CHCHD3: variants seen among roughly 807,000 people sequenced by gnomAD.
CHCHD3 encodes coiled-coil-helix-coiled-coil-helix domain containing 3.
Under a neutral mutation model 38.2 loss-of-function variants are expected in CHCHD3, and 20 were observed. The observed-to-expected ratio is 0.52, with a 90% CI of 0.37 to 0.76. The LOEUF is 0.76. Among genes scored for constraint, CHCHD3 ranks in the 30% least tolerant of loss-of-function variants. The probability of loss-of-function intolerance (pLI) is 0.00; values close to 1 mark genes in which losing one functional copy is unlikely to be tolerated. For missense variants in CHCHD3, 245 were observed against 279.2 expected (o/e 0.88, Z 0.87); for synonymous variants, 82 against 100.0 (o/e 0.82, Z 1.07).
chr7:132,985,300 C>T (rs1309985363), intron 3 of CHCHD3, among the ~76,000 whole-genome samples: 4 of 58,856 alleles, frequency 6.8e-5, no homozygotes, highest in Admixed American at 1.7e-4. Context: ...AGGTGAGGGG[C>T]GCCTCTGCCC....
chr7:132,898,242 TGGCTGGGGCAGC>T (rs1809559247), intron 4 of CHCHD3, among the ~76,000 whole-genome samples: 5 of 152,320 alleles, frequency 3.3e-5, no homozygotes, highest in African/African-American at 9.6e-5. Context: ...TTGCCACTGC[TGGCTGGGGCAGC>T]CTGCTTTTAT....
At chr7:133,081,834 T>G in intron 1 of CHCHD3, 23 bp downstream of exon 1, 1 of 1,551,180 alleles carries the variant, frequency 6.4e-7, no homozygotes, top group Non-Finnish European at 8.7e-7. Flanking sequence ...CCACTGGCCC[T>G]CCGCCCGTCC....
At chr7:132,790,948 A>C (rs1397703231) in intron 7 of CHCHD3, among the ~76,000 whole-genome samples, 1 of 152,186 alleles carries the variant, frequency 6.6e-6, no homozygotes, top group Admixed American at 6.5e-5. Context: ...ATTTGTTCTT[A>C]AGGCTAAAGA....
At chr7:132,985,348 G>C (rs1389961335) in intron 3 of CHCHD3, among the ~76,000 whole-genome samples, 1 of 70,998 alleles carries the variant, frequency 1.4e-5, no homozygotes, top group Admixed American at 1.4e-4. Context: ...CCCTCTGCCC[G>C]GCCAGCCGCC....
At chr7:132,898,775 G>A (rs1178451523) in intron 4 of CHCHD3, among the ~76,000 whole-genome samples, 2 of 152,358 alleles carry the variant, frequency 1.3e-5, no homozygotes, top group Admixed American at 6.5e-5. Flanking sequence ...AAGGCCCGGC[G>A]AGAAATCGAG....
chr7:132,833,155 A>G (rs1284647526), intron 6 of CHCHD3, among the ~76,000 whole-genome samples: 1 of 152,228 alleles, frequency 6.6e-6, no homozygotes, highest in Non-Finnish European at 1.5e-5. Flanking sequence ...AATATAAAAT[A>G]TAATTTGCAT....
intron 1 of CHCHD3, among the ~76,000 whole-genome samples, chr7:133,078,854 A>T (rs1311036154): frequency 6.6e-6 from 1 of 152,242 alleles, no homozygotes; most frequent in African/African-American, 2.4e-5. Flanking sequence ...TCAAAGTTGG[A>T]ACGTTTTCTT....
At chr7:132,930,588 A>G (rs745543371) in intron 4 of CHCHD3, among the ~76,000 whole-genome samples, 3 of 152,050 alleles carry the variant, frequency 2.0e-5, no homozygotes, top group Non-Finnish European at 4.4e-5. Flanking sequence ...GCTATACCAC[A>G]TTTCTAACAT....
At chr7:132,865,958 A>G (rs1808614300) in intron 5 of CHCHD3, among the ~76,000 whole-genome samples, 1 of 152,056 alleles carries the variant, frequency 6.6e-6, no homozygotes, top group African/African-American at 2.4e-5. Flanking sequence ...TTTCATGAGA[A>G]CAGTTTGCTG....
At position 132,898,600 on chromosome 7, in the gene CHCHD3, C is replaced by T. The variant is rs1027090985; in HGVS notation, c.370-12855G>A. On this transcript the variant is annotated intron_variant, in intron 4 of 7. Transcript: ENST00000262570. Reference sequence around the variant, plus strand: ...AGTTGCCTGCCAGTCCCGCGCCGTGCGCCCGCACTCCTCAGCCCTTGGGTG... The same window carrying T: ...AGTTGCCTGCCAGTCCCGCGCCGTGTGCCCGCACTCCTCAGCCCTTGGGTG... Among the ~76,000 whole-genome samples the T allele has an allele frequency of 4.6e-5, 7 of 152,394 alleles. No homozygotes were observed. The East Asian group carries it at 7.7e-4, about 17-fold the overall frequency.
intron 3 of CHCHD3, among the ~76,000 whole-genome samples, chr7:133,001,937 C>A (rs1158629980): frequency 6.6e-6 from 1 of 152,148 alleles, no homozygotes; most frequent in Non-Finnish European, 1.5e-5. Context: ...CTCAAAACAA[C>A]GCTGAAGGTA....
rs181367632 is a variant in CHCHD3, at chr7:133,077,517, G to A, written c.81+4340C>T. Reference sequence around the variant, plus strand: ...CAGCTGCGGACATTCGTTTATGTCTGGAAAGCATGATAAATATATCTTTGA... The same window carrying A: ...CAGCTGCGGACATTCGTTTATGTCTAGAAAGCATGATAAATATATCTTTGA... On this transcript the variant is annotated intron_variant, in intron 1 of 7. Transcript: ENST00000262570. Among the ~76,000 whole-genome samples the A allele has an allele frequency of 5.2e-3, 790 of 152,306 alleles. 5 individuals carry two copies. Among genetic ancestry groups the A allele is most frequent in the South Asian group, 0.014 (68 of 4,824 alleles).
intron 4 of CHCHD3, among the ~76,000 whole-genome samples, chr7:132,969,882 T>C (rs539386169): frequency 6.9e-4 from 105 of 152,240 alleles, no homozygotes; most frequent in African/African-American, 2.5e-3. Context: ...TCAGAGAAAC[T>C]TAAAAACTGA....
At chr7:132,848,204 G>A (rs142090312) in intron 5 of CHCHD3, among the ~76,000 whole-genome samples, 71 of 152,294 alleles carry the variant, frequency 4.7e-4, no homozygotes, top group African/African-American at 1.6e-3. Context: ...ACTCTAGGTG[G>A]CAGCCAATTC....
intron 2 of CHCHD3, among the ~76,000 whole-genome samples, chr7:133,059,890 C>T (rs532025080): frequency 6.6e-6 from 1 of 152,290 alleles, no homozygotes; most frequent in Admixed American, 6.5e-5. Context: ...TATGAGGCAC[C>T]TAACTTTATA....
intron 4 of CHCHD3, among the ~76,000 whole-genome samples, chr7:132,930,939 C>T (rs1029239262): frequency 6.6e-6 from 1 of 152,210 alleles, no homozygotes; most frequent in Admixed American, 6.5e-5. Context: ...CTGAATTACT[C>T]AGCCCTTTTG....
intron 5 of CHCHD3, among the ~76,000 whole-genome samples, chr7:132,843,506 T>C (rs1197637833): frequency 6.6e-6 from 1 of 152,198 alleles, no homozygotes; most frequent in East Asian, 1.9e-4. Context: ...AATATAGCTA[T>C]AATCTTTACA....
intron 3 of CHCHD3, among the ~76,000 whole-genome samples, chr7:132,988,417 G>T (rs1051230303): frequency 6.6e-6 from 1 of 151,906 alleles, no homozygotes. Flanking sequence ...CTGGCACTTG[G>T]TAAGCATTCA....
At chr7:132,902,356 G>T (rs1292803980) in intron 4 of CHCHD3, among the ~76,000 whole-genome samples, 1 of 152,156 alleles carries the variant, frequency 6.6e-6, no homozygotes, top group Non-Finnish European at 1.5e-5. Context: ...CTGCTATAAA[G>T]ACACACACAT....
Sources: allele counts gnomAD v4.1 joint callset (sites outside exome capture counted in the v4.1 genomes callset), GRCh38; gene constraint gnomAD v4.1.1; transcripts MANE v1.5; gene names NCBI Gene and HGNC (gene_info 2026-07-23, HGNC 2026-07-21).